Variants in PROM1 observed in about 807,000 individuals in gnomAD.
The protein encoded by PROM1 is prominin-1.
Under a neutral mutation model 116.9 loss-of-function variants are expected in PROM1, and 105 were observed. That is an observed-to-expected ratio of 0.90 (90% CI 0.77 to 1.06). The LOEUF is 1.06. Ranked by LOEUF, PROM1 falls within the 50% of genes least tolerant of loss-of-function variation. The pLI is 0.00. For synonymous variants in PROM1, 393 were observed against 387.0 expected, an observed-to-expected ratio of 1.02 and a Z score of -0.18; for missense variants, 1,122 against 1,045.2, an observed-to-expected ratio of 1.07 and a Z score of -1.01.
chr4:15,994,556 AG>A (rs1721847167), intron 15 of PROM1, among the ~76,000 whole-genome samples: 1 of 152,154 alleles, frequency 6.6e-6, no homozygotes, highest in South Asian at 2.1e-4. Context: ...TGGTGAGGAC[AG>A]AGATAGGGAG....
chr4:15,995,806 G>A (rs1722186029), intron 15 of PROM1, among the ~76,000 whole-genome samples: 1 of 152,050 alleles, frequency 6.6e-6, no homozygotes, highest in Non-Finnish European at 1.5e-5. Flanking sequence ...CCCTCCTTGG[G>A]GCTTCTAGAG....
At chr4:16,005,238 C>T (rs181316431) in intron 13 of PROM1, among the ~76,000 whole-genome samples, 42 of 152,260 alleles carry the variant, frequency 2.8e-4, no homozygotes, top group African/African-American at 1.0e-3. Context: ...GTTGGGATTA[C>T]AGGCGTGAGC....
intron 3 of PROM1, 78 bp from the exon 4 acceptor site, chr4:16,035,839 G>T: frequency 7.5e-7 from 1 of 1,337,108 alleles, no homozygotes; most frequent in Non-Finnish European, 1.1e-6. Flanking sequence ...AGTTATGAGT[G>T]ATCAACCATA....
chr4:16,069,384 C>G (rs1039757696), intron 2 of PROM1, among the ~76,000 whole-genome samples: 1 of 152,226 alleles, frequency 6.6e-6, no homozygotes, highest in Non-Finnish European at 1.5e-5. Context: ...AAGTTCATCA[C>G]GGCCACATAA....
At chr4:15,991,524 A>C (rs114998882) in intron 17 of PROM1, among the ~76,000 whole-genome samples, 2 of 152,124 alleles carry the variant, frequency 1.3e-5, no homozygotes, top group Non-Finnish European at 2.9e-5. Flanking sequence ...TGATAATGTT[A>C]TAACATGGAT....
chr4:16,003,606 G>A (rs945813231), intron 13 of PROM1, among the ~76,000 whole-genome samples: 1 of 152,052 alleles, frequency 6.6e-6, no homozygotes, highest in Non-Finnish European at 1.5e-5. Flanking sequence ...GGCCTCCTAC[G>A]CCCCCCTGCA....
intron 15 of PROM1, among the ~76,000 whole-genome samples, chr4:15,998,043 C>G (rs4698133): frequency 0.044 from 6,654 of 152,254 alleles, 317 homozygotes; most frequent in East Asian, 0.19. Context: ...CACCTGTTCA[C>G]TATTCTTGTT....
intron 13 of PROM1, among the ~76,000 whole-genome samples, chr4:16,001,776 G>A (rs1434103100): frequency 1.3e-5 from 2 of 152,312 alleles, no homozygotes; most frequent in East Asian, 3.9e-4. Flanking sequence ...CTGAGAGCCT[G>A]TGTGGGGGAA....
chr4:15,984,097 T>G (rs1718657701), intron 23 of PROM1, among the ~76,000 whole-genome samples, 166 bp downstream of exon 23: 1 of 152,230 alleles, frequency 6.6e-6, no homozygotes, highest in Non-Finnish European at 1.5e-5. Context: ...CCCAGAACTT[T>G]GACTTTTCTA....
rs1177160948 is a variant in PROM1, at chr4:16,017,821, CA to C, written c.1002+501del. On this transcript the variant is annotated intron_variant, in intron 9 of 27. Coordinates refer to ENST00000447510, the MANE Select transcript of PROM1 (RefSeq NM_006017.3). ...TGGGAAACAGAGTGAGACTCCATCT[CA>C]AAAAAAAAAGTGAGGTGTGTATCTA... is the stretch of plus-strand genomic sequence containing the variant. 1.7e-3 allele frequency among the ~76,000 whole-genome samples: 245 copies of C among 146,758 alleles called. 2 individuals carry two copies. The highest frequency in any genetic ancestry group is 3.8e-4 in the Non-Finnish European group (25 of 66,376).
rs368515078 is a variant in PROM1 at position 15,980,465 on chromosome 4, C to G, written c.2446G>C (p.Ala816Pro). 5.5e-5 allele frequency: 85 copies of G among 1,556,634 alleles called. No homozygotes were observed. Among genetic ancestry groups the G allele is most frequent in the Non-Finnish European group, 7.2e-5 (83 of 1,149,226 alleles). ...GAATCCATTCGACGATAGTACTTAG[C>G]CAGTTTTACCGCAAAAATTAGAGCC... is the stretch of plus-strand genomic sequence containing the variant. Reference protein sequence around the residue: ...LPALIFAVKLAKYYRRMDSED... With the variant: ...LPALIFAVKLPKYYRRMDSED... The change falls in exon 24 of 28, where the codon GCT (alanine) becomes CCT (proline). Residue 816 changes from alanine (A) to proline (P), a missense_variant. Coordinates refer to ENST00000447510, the MANE Select transcript of PROM1 (RefSeq NM_006017.3).
chr4:16,069,929 T>A (rs1742425045), intron 2 of PROM1, among the ~76,000 whole-genome samples: 1 of 152,136 alleles, frequency 6.6e-6, no homozygotes, highest in Non-Finnish European at 1.5e-5. Context: ...GGTGTTTGCT[T>A]TATTTGAACA....
chr4:16,003,375 T>G, intron 13 of PROM1: 1 of 456,758 alleles, frequency 2.2e-6, no homozygotes, highest in Non-Finnish European at 4.4e-6. Context: ...TGGAAATTAT[T>G]CGGCAAAGAG....
chr4:15,990,196 A>G (rs1481258951), intron 18 of PROM1, among the ~76,000 whole-genome samples: 1 of 152,238 alleles, frequency 6.6e-6, no homozygotes, highest in East Asian at 1.9e-4. Context: ...ATGAATAACA[A>G]TCCTATAAGG....
At position 15,989,746 on chromosome 4, in the gene PROM1, T is replaced by C. The variant is rs760554830; in HGVS notation, c.2062A>G (p.Ile688Val). 33 of 1,604,418 alleles carry C rather than the reference T, an allele frequency of 2.1e-5. No individual in the cohort carries two copies. The East Asian group carries it at 2.7e-4, about 13-fold the overall frequency. Residue 688 changes from isoleucine to valine, a missense_variant, in exon 19 of 28, where the codon ATA becomes GTA. Transcript: ENST00000447510. ...KTIHQQRVLP[I>V]EQSLSTLYQS... Reference sequence around the variant, plus strand: ...TTGACTGTTACCAGTGATTGTTCTATAGGAAGGACTCGTTGCTGGTGAATT... The same window carrying C: ...TTGACTGTTACCAGTGATTGTTCTACAGGAAGGACTCGTTGCTGGTGAATT...
chr4:16,077,797 C>G (rs1744264336), intron 1 of PROM1, among the ~76,000 whole-genome samples: 1 of 152,188 alleles, frequency 6.6e-6, no homozygotes, highest in Non-Finnish European at 1.5e-5. Flanking sequence ...ATTTCTTCTC[C>G]AAGTGTGTGT....
chr4:15,987,327 T>C (rs1719689241), intron 20 of PROM1, among the ~76,000 whole-genome samples: 1 of 152,036 alleles, frequency 6.6e-6, no homozygotes, highest in Admixed American at 6.5e-5. Flanking sequence ...GCAGGGAAAA[T>C]GAACATTTAT....
intron 2 of PROM1, among the ~76,000 whole-genome samples, chr4:16,062,498 G>A (rs911553261): frequency 6.6e-6 from 1 of 152,084 alleles, no homozygotes; most frequent in Non-Finnish European, 1.5e-5. Context: ...TAAGTCAAAT[G>A]TCCTATAAAG....
intron 8 of PROM1, among the ~76,000 whole-genome samples, chr4:16,018,750 G>T (rs1729065122): frequency 1.3e-5 from 2 of 152,090 alleles, no homozygotes; most frequent in Non-Finnish European, 2.9e-5. Flanking sequence ...TCCACTTGGG[G>T]TCTCTTTCCA....
Sources: allele counts gnomAD v4.1 joint callset (sites outside exome capture counted in the v4.1 genomes callset), GRCh38; gene constraint gnomAD v4.1.1; transcripts MANE v1.5; gene names NCBI Gene and HGNC (gene_info 2026-07-23, HGNC 2026-07-21).